The following CACNB2 variants were observed in gnomAD, a reference collection of about 807,000 sequenced individuals.
The protein encoded by CACNB2 is voltage-dependent L-type calcium channel subunit beta-2.
In CACNB2, 42 loss-of-function variants were observed where a neutral mutation model predicts 73.3. The observed-to-expected ratio is 0.57, with a 90% CI of 0.45 to 0.74. The LOEUF (loss-of-function observed/expected upper bound fraction) is 0.74. CACNB2 is among the 30% of genes least tolerant of loss of function. The probability of loss-of-function intolerance (pLI) is 0.00; values close to 1 mark genes in which losing one functional copy is unlikely to be tolerated. For synonymous variants in CACNB2, 348 were observed against 310.3 expected (o/e 1.12, Z -1.28); for missense variants, 940 against 853.0 (o/e 1.10, Z -1.27).
chr10:18,315,853 A>G (rs2131918534), intron 2 of CACNB2, among the ~76,000 whole-genome samples: 1 of 152,358 alleles, frequency 6.6e-6, no homozygotes, highest in Middle Eastern at 3.4e-3. Flanking sequence ...AAGCTACAAC[A>G]TCGCCTCACT....
intron 9 of CACNB2, among the ~76,000 whole-genome samples, chr10:18,524,774 C>G (rs1011566005): frequency 6.6e-6 from 1 of 151,118 alleles, no homozygotes; most frequent in Non-Finnish European, 1.5e-5. Flanking sequence ...CCTGTAATCC[C>G]AGCACTTTAG....
chr10:18,141,116 A>G (rs1056769153), intron 1 of CACNB2: 2 of 1,548,998 alleles, frequency 1.3e-6, no homozygotes, highest in African/African-American at 1.4e-5. Flanking sequence ...GTCCTCCCAG[A>G]CTTCTCCCGG....
At chr10:18,304,197 C>T (rs190774237) in intron 2 of CACNB2, among the ~76,000 whole-genome samples, 7 of 152,268 alleles carry the variant, frequency 4.6e-5, no homozygotes, top group Admixed American at 1.3e-4. Flanking sequence ...TTCAAGCGAG[C>T]CTCCTGACTC....
At chr10:18,524,408 C>T (rs1326966091) in intron 9 of CACNB2, among the ~76,000 whole-genome samples, 1 of 152,006 alleles carries the variant, frequency 6.6e-6, no homozygotes, top group Non-Finnish European at 1.5e-5. Context: ...GTAATCCCAG[C>T]ACTTTGGGAG....
intron 2 of CACNB2, among the ~76,000 whole-genome samples, chr10:18,360,800 C>T (rs1204676242): frequency 1.3e-5 from 2 of 152,226 alleles, no homozygotes; most frequent in Admixed American, 6.5e-5. Context: ...GCTGAATACA[C>T]AGCCAGCAAG....
At chr10:18,158,932 G>C (rs2032252105) in intron 2 of CACNB2, among the ~76,000 whole-genome samples, 1 of 152,194 alleles carries the variant, frequency 6.6e-6, no homozygotes, top group African/African-American at 2.4e-5. Context: ...GGTTATCAAA[G>C]TTAAAGCAGC....
At chr10:18,395,281 T>C (rs1458704778) in intron 2 of CACNB2, among the ~76,000 whole-genome samples, 1 of 152,240 alleles carries the variant, frequency 6.6e-6, no homozygotes, top group Non-Finnish European at 1.5e-5. Flanking sequence ...CTCTTCTCAA[T>C]GCGTTGCAGG....
At chr10:18,390,583 T>C (rs534240498) in intron 2 of CACNB2, among the ~76,000 whole-genome samples, 80 of 152,360 alleles carry the variant, frequency 5.3e-4, no homozygotes, top group African/African-American at 1.8e-3. Flanking sequence ...TGTCCAGTTA[T>C]TCAGTTGCAT....
intron 2 of CACNB2, among the ~76,000 whole-genome samples, chr10:18,291,345 A>G (rs2039061240): frequency 6.6e-6 from 1 of 152,200 alleles, no homozygotes. Context: ...AAGCTTGGAG[A>G]GTAATTGGGA....
chr10:18,152,487 G>A (rs1008442102), intron 2 of CACNB2, among the ~76,000 whole-genome samples: 6 of 152,016 alleles, frequency 3.9e-5, no homozygotes, highest in Non-Finnish European at 7.4e-5. Context: ...AGGTGTATGC[G>A]TTGGCCTCAT....
chr10:18,478,681 C>A (rs562404859), intron 3 of CACNB2, among the ~76,000 whole-genome samples: 5 of 152,136 alleles, frequency 3.3e-5, no homozygotes, highest in Admixed American at 6.5e-5. Flanking sequence ...TATACAGCAT[C>A]CTGGCCAAAC....
chr10:18,528,894 CAGTGGT>C (rs1238826137), intron 10 of CACNB2, among the ~76,000 whole-genome samples: 4 of 152,174 alleles, frequency 2.6e-5, no homozygotes, highest in Non-Finnish European at 4.4e-5. Context: ...GGCTGGAGTA[CAGTGGT>C]GTGGATCATG....
chr10:18,452,433 A>C (rs1163599870), intron 3 of CACNB2, among the ~76,000 whole-genome samples: 2 of 152,232 alleles, frequency 1.3e-5, no homozygotes, highest in East Asian at 3.8e-4. Context: ...GTCTCAAATA[A>C]TAATAAGTAG....
At chr10:18,232,388 G>T (rs148596924) in intron 2 of CACNB2, among the ~76,000 whole-genome samples, 2,197 of 152,154 alleles carry the variant, frequency 0.014, 28 homozygotes, top group African/African-American at 0.037. Flanking sequence ...AGCACAGACC[G>T]GGCTCCACAG....
intron 3 of CACNB2, among the ~76,000 whole-genome samples, chr10:18,464,418 T>TAAAATAAAAAAAAAAAAAAA (rs1554824204): frequency 1.2e-3 from 103 of 85,272 alleles, no homozygotes; most frequent in South Asian, 1.6e-3. Context: ...TCTCAAAAAT[T>TAAAATAAAAAAAAAAAAAAA]AAAAAAAAAA....
intron 2 of CACNB2, among the ~76,000 whole-genome samples, chr10:18,223,941 C>T (rs1043267229): frequency 2.0e-5 from 3 of 151,664 alleles, no homozygotes; most frequent in Non-Finnish European, 4.4e-5. Flanking sequence ...AGATAATAGG[C>T]AGCCTACCCC....
intron 3 of CACNB2, among the ~76,000 whole-genome samples, chr10:18,436,611 A>G (rs917314568): frequency 6.6e-6 from 1 of 152,138 alleles, no homozygotes; most frequent in Non-Finnish European, 1.5e-5. Flanking sequence ...TGCAAAGCAT[A>G]TTTGTTTGTT....
intron 5 of CACNB2, 81 bp downstream of exon 5, chr10:18,501,029 C>G: frequency 1.5e-6 from 2 of 1,324,644 alleles, no homozygotes; most frequent in Non-Finnish European, 2.2e-6. Flanking sequence ...TATTCTGTAT[C>G]CTTTATTATG....
At chr10:18,276,622 A>G (rs2038298411) in intron 2 of CACNB2, among the ~76,000 whole-genome samples, 1 of 152,004 alleles carries the variant, frequency 6.6e-6, no homozygotes, top group Non-Finnish European at 1.5e-5. Flanking sequence ...CTGTTTGCCC[A>G]AGCTGAAGTG....
Sources: gnomAD v4.1 joint callset for allele counts (sites outside exome capture counted in the v4.1 genomes callset) on GRCh38, gnomAD v4.1.1 for gene constraint, MANE v1.5 for transcripts, NCBI Gene and HGNC (gene_info 2026-07-23, HGNC 2026-07-21) for gene names.